Variants in PLEKHM3 observed in about 807,000 individuals in gnomAD.
The protein encoded by PLEKHM3 is pleckstrin homology domain containing M3, also known as pleckstrin homology domain-containing family M member 3.
A neutral mutation model predicts 81.8 loss-of-function variants in PLEKHM3; 45 were observed. The observed-to-expected ratio is 0.55, with a 90% CI of 0.43 to 0.71. The LOEUF is 0.71. PLEKHM3 is among the 30% of genes least tolerant of loss of function. The probability of loss-of-function intolerance (pLI) is 0.00; values close to 1 mark genes in which losing one functional copy is unlikely to be tolerated. For missense variants in PLEKHM3, 788 were observed against 924.3 expected, an observed-to-expected ratio of 0.85 and a Z score of 1.91; for synonymous variants, 352 against 356.4, an observed-to-expected ratio of 0.99 and a Z score of 0.14.
rs1013304305 is a variant in PLEKHM3 at position 207,976,520 on chromosome 2, C to A, written c.1546+131G>T. 2.3e-6 allele frequency: 2 copies of A among 863,672 alleles called. No homozygotes were observed. The highest frequency in any genetic ancestry group is 2.7e-5 in the East Asian group (1 of 37,536). 53.5% of individuals were successfully genotyped at this position (863,672 alleles called of 1,614,324 possible). On this transcript the variant is annotated intron_variant, in intron 3 of 7. Transcript: ENST00000427836. The surrounding 1 kb of genome is among the most constrained non-coding windows in gnomAD (Gnocchi z 4.1). ...GGATGTTTTAATACAGTAAGCTTCT[C>A]GAGGAGAGATACTTTTTATAAACAG...
intron 5 of PLEKHM3, among the ~76,000 whole-genome samples, chr2:207,918,294 G>A (rs1689062053): frequency 6.6e-6 from 1 of 152,172 alleles, no homozygotes; most frequent in African/African-American, 2.4e-5. Flanking sequence ...AGGCTGAGGT[G>A]GGTGGATCAC....
intron 1 of PLEKHM3, among the ~76,000 whole-genome samples, chr2:208,007,379 G>A (rs1009765578): frequency 5.9e-5 from 9 of 152,104 alleles, no homozygotes; most frequent in African/African-American, 9.7e-5. Context: ...TCTGGACCAC[G>A]AGGCTACATG....
chr2:207,906,634 C>G (rs1488450411), intron 6 of PLEKHM3, among the ~76,000 whole-genome samples: 1 of 151,940 alleles, frequency 6.6e-6, no homozygotes, highest in East Asian at 1.9e-4. Flanking sequence ...AGTAAAAATG[C>G]AAAAATTAGA....
chr2:207,827,944 A>G lies in PLEKHM3; in HGVS notation c.*375T>C, dbSNP rs560520494. 1.3e-5 allele frequency: 2 copies of G among 154,806 alleles called. No individual in the cohort carries two copies. The highest frequency in any genetic ancestry group is 4.1e-4 in the South Asian group (2 of 4,846). The allele number at this position is 154,806 out of a possible 1,614,324, so 9.6% of individuals were successfully genotyped here. A position where few individuals can be genotyped will look rare whatever the true frequency, so the allele number is the denominator to read the frequency against. The stretch of plus-strand genomic sequence containing the variant: ...CCTAAAGCACTGTTTTGTGCAGGAA[A>G]TGCTTCCTTTTGTGTCTTGGGTAAT... On this transcript the variant is annotated 3_prime_UTR_variant, in exon 8 of 8. Transcript: ENST00000427836.
intron 5 of PLEKHM3, among the ~76,000 whole-genome samples, chr2:207,925,781 C>A (rs772904220): frequency 9.2e-5 from 14 of 152,128 alleles, no homozygotes; most frequent in Admixed American, 8.5e-4. Context: ...GCCTGAGGGG[C>A]GCATTGTAAT....
chr2:207,847,958 C>T (rs1057453801), intron 7 of PLEKHM3, among the ~76,000 whole-genome samples: 2 of 152,182 alleles, frequency 1.3e-5, no homozygotes, highest in Non-Finnish European at 2.9e-5. Context: ...CCAAGCGCAG[C>T]CCACAAACCT....
chr2:207,990,579 C>T (rs182759726), intron 2 of PLEKHM3, among the ~76,000 whole-genome samples: 1 of 152,270 alleles, frequency 6.6e-6, no homozygotes, highest in East Asian at 1.9e-4. Flanking sequence ...TTGTTCTCCT[C>T]ATTACAGGCA....
chr2:207,903,556 C>A (rs777852376), intron 6 of PLEKHM3, among the ~76,000 whole-genome samples: 7 of 152,114 alleles, frequency 4.6e-5, no homozygotes, highest in African/African-American at 7.2e-5. Flanking sequence ...GCACAGGTAG[C>A]CAAAATTTAA....
Position 207,827,798 on chromosome 2 carries a change from C to T in PLEKHM3, c.*521G>A, listed in dbSNP as rs1575257545. 1 of 152,168 alleles carries T rather than the reference C, an allele frequency of 6.6e-6. No homozygotes were observed. Among genetic ancestry groups the T allele is most frequent in the Non-Finnish European group, 1.5e-5 (1 of 68,044 alleles). 9.4% of individuals were successfully genotyped at this position (152,168 alleles called of 1,614,324 possible). A position where few individuals can be genotyped will look rare whatever the true frequency, so the allele number is the denominator to read the frequency against. ...GGCGGGAGCGCCACGGACACCAGGT[C>T]CTGGAAGGACCCAGCAGTCTCTTGT... On this transcript the variant is annotated 3_prime_UTR_variant, in exon 8 of 8. Coordinates refer to ENST00000427836, the MANE Select transcript of PLEKHM3 (RefSeq NM_001080475.3).
intron 7 of PLEKHM3, among the ~76,000 whole-genome samples, chr2:207,847,835 A>C (rs1426647518): frequency 6.6e-6 from 1 of 152,204 alleles, no homozygotes; most frequent in African/African-American, 2.4e-5. Flanking sequence ...AAGCCACAGA[A>C]AGGAAATATC....
At chr2:207,943,667 G>A (rs914198858) in intron 4 of PLEKHM3, among the ~76,000 whole-genome samples, 1 of 151,866 alleles carries the variant, frequency 6.6e-6, no homozygotes, top group Admixed American at 6.6e-5. Flanking sequence ...AGGAGATCGA[G>A]ACCATCCCGG....
intron 6 of PLEKHM3, among the ~76,000 whole-genome samples, chr2:207,889,866 T>C (rs184970861): frequency 2.2e-4 from 33 of 152,216 alleles, no homozygotes; most frequent in Non-Finnish European, 3.1e-4. Flanking sequence ...TGCAGTGGCT[T>C]GATCTCGGCT....
chr2:207,865,796 AAAAAAAGAT>A (rs1296817988), intron 6 of PLEKHM3, among the ~76,000 whole-genome samples: 12 of 45,412 alleles, frequency 2.6e-4, no homozygotes, highest in African/African-American at 1.3e-3. Context: ...AAAAAAAAAA[AAAAAAAGAT>A]ATATATATAT....
At chr2:207,912,416 A>G (rs1244525853) in intron 5 of PLEKHM3, among the ~76,000 whole-genome samples, 2 of 152,188 alleles carry the variant, frequency 1.3e-5, no homozygotes, top group Non-Finnish European at 1.5e-5. Context: ...GTCTAATACT[A>G]TAATTTACAT....
At chr2:207,880,762 C>CAAAAAAAAAAAAAA (rs61384566) in intron 6 of PLEKHM3, among the ~76,000 whole-genome samples, 276 of 6,954 alleles carry the variant, frequency 0.04, 73 homozygotes, top group East Asian at 0.18. Flanking sequence ...GACTCTGTCT[C>CAAAAAAAAAAAAAA]AAAAAAAAAA....
At chr2:207,919,105 G>A (rs961532346) in intron 5 of PLEKHM3, among the ~76,000 whole-genome samples, 5 of 151,910 alleles carry the variant, frequency 3.3e-5, no homozygotes, top group African/African-American at 9.7e-5. Flanking sequence ...ATGGAGTTAC[G>A]AAGCAAGCTT....
intron 6 of PLEKHM3, among the ~76,000 whole-genome samples, chr2:207,890,318 ATAT>A (rs1688022412): frequency 6.6e-6 from 1 of 152,178 alleles, no homozygotes; most frequent in African/African-American, 2.4e-5. Flanking sequence ...TGAATAATAT[ATAT>A]TAATAACTTA....
chr2:207,882,564 A>G (rs1295031026), intron 6 of PLEKHM3, among the ~76,000 whole-genome samples: 3 of 140,944 alleles, frequency 2.1e-5, no homozygotes, highest in Non-Finnish European at 1.5e-5. Context: ...GTGAGCCCAG[A>G]TCGCGTCATT....
At chr2:208,016,753 A>C (rs1462495618) in intron 1 of PLEKHM3, among the ~76,000 whole-genome samples, 1 of 151,438 alleles carries the variant, frequency 6.6e-6, no homozygotes, top group Non-Finnish European at 1.5e-5. Flanking sequence ...CTAACCTTTC[A>C]GCGTGAGGCA....
Sources: allele counts gnomAD v4.1 joint callset (sites outside exome capture counted in the v4.1 genomes callset), GRCh38; gene constraint gnomAD v4.1.1; non-coding constraint Gnocchi (gnomAD v3.1); transcripts MANE v1.5; gene names NCBI Gene and HGNC (gene_info 2026-07-23, HGNC 2026-07-21).